Variants in PRTG observed in about 807,000 individuals in gnomAD.
PRTG encodes immunoglobulin superfamily, DCC subclass, member 5.
A neutral mutation model predicts 122.5 loss-of-function variants in PRTG; 67 were observed. That is an observed-to-expected ratio of 0.55 (90% CI 0.45 to 0.67). The LOEUF (loss-of-function observed/expected upper bound fraction) is 0.67. PRTG is among the 30% of genes least tolerant of loss of function. The pLI, the probability that PRTG is intolerant of heterozygous loss-of-function variation, is 0.00. For missense variants in PRTG, 1,435 were observed against 1,415.4 expected (o/e 1.01, Z -0.22); for synonymous variants, 554 against 501.1 (o/e 1.11, Z -1.41).
intron 2 of PRTG, among the ~76,000 whole-genome samples, chr15:55,729,663 A>T (rs1399465236): frequency 6.6e-6 from 1 of 152,098 alleles, no homozygotes; most frequent in African/African-American, 2.4e-5. Context: ...TATCTTAATA[A>T]AACTTATTTT....
chr15:55,641,581 G>A (rs914089079), intron 11 of PRTG, among the ~76,000 whole-genome samples: 5 of 152,022 alleles, frequency 3.3e-5, no homozygotes, highest in Non-Finnish European at 7.4e-5. Flanking sequence ...GAAGTTTTTC[G>A]TTTAAGCAGT....
intron 8 of PRTG, among the ~76,000 whole-genome samples, chr15:55,676,248 T>C (rs1394827776): frequency 2.6e-5 from 4 of 151,194 alleles, no homozygotes; most frequent in Non-Finnish European, 5.9e-5. Context: ...AGAATGTGCC[T>C]CAAAATGCTT....
In PRTG at chr15:55,633,098, T is replaced by G. The variant is rs532305985; in HGVS notation, c.2623+4072A>C. On this transcript the variant is annotated intron_variant, in intron 15 of 19. Transcript: ENST00000389286. ...GAAAATTTTTTGAAAGAGGGGCATC[T>G]TTATGATATCAGTAAACTCATAAAG... Among the ~76,000 whole-genome samples the G allele has an allele frequency of 7.2e-5, 11 of 152,330 alleles. No homozygotes were observed. The South Asian group carries it at 2.3e-3, about 32-fold the overall frequency.
intron 11 of PRTG, among the ~76,000 whole-genome samples, chr15:55,662,036 A>T (rs879870384): frequency 6.6e-6 from 1 of 152,226 alleles, no homozygotes; most frequent in Non-Finnish European, 1.5e-5. Flanking sequence ...AAGGATATAA[A>T]GGTCCAGGAA....
intron 2 of PRTG, among the ~76,000 whole-genome samples, chr15:55,710,056 A>G (rs1371095292): frequency 3.9e-5 from 6 of 152,164 alleles, no homozygotes; most frequent in Non-Finnish European, 8.8e-5. Flanking sequence ...GTGGGCATAT[A>G]TGTGTTTGTA....
chr15:55,738,402 C>G (rs771067323), intron 2 of PRTG: 4 of 676,948 alleles, frequency 5.9e-6, no homozygotes, highest in Admixed American at 4.4e-5. Flanking sequence ...AGGATTCTAT[C>G]AGGCTTCTCA....
intron 15 of PRTG, among the ~76,000 whole-genome samples, chr15:55,634,694 T>C (rs2059246562): frequency 6.6e-6 from 1 of 151,616 alleles, no homozygotes; most frequent in African/African-American, 2.4e-5. Context: ...TACAAAAAAT[T>C]AGCCAGGCAT....
chr15:55,731,381 T>TTC (rs1199436628), intron 2 of PRTG, among the ~76,000 whole-genome samples: 1 of 148,642 alleles, frequency 6.7e-6, no homozygotes, highest in African/African-American at 2.5e-5. Context: ...TTTTTTTTTT[T>TTC]TTTTTTGGAG....
intron 15 of PRTG, among the ~76,000 whole-genome samples, chr15:55,631,053 G>A (rs1313130049): frequency 6.6e-6 from 1 of 152,162 alleles, no homozygotes; most frequent in Non-Finnish European, 1.5e-5. Context: ...GTGTGAGGCA[G>A]CCAAACCTCC....
At chr15:55,680,338 G>T in intron 5 of PRTG, 126 bp from the exon 6 acceptor site, 1 of 1,115,814 alleles carries the variant, frequency 9.0e-7, no homozygotes. Flanking sequence ...TCCATGTTAA[G>T]ACCTTTTCTC....
chr15:55,647,434 C>A (rs1011062215), intron 11 of PRTG, among the ~76,000 whole-genome samples: 4 of 152,184 alleles, frequency 2.6e-5, no homozygotes, highest in Non-Finnish European at 5.9e-5. Flanking sequence ...AAATTTCAAT[C>A]TACCAAACAG....
chr15:55,672,402 G>A, intron 11 of PRTG, 43 bp downstream of exon 11: 1 of 1,501,390 alleles, frequency 6.7e-7, no homozygotes. Flanking sequence ...CAGTTTGTCA[G>A]AGAGGAAGGA....
chr15:55,635,071 CTGGGTGTGTGTGTG>C (rs1172925320), intron 15 of PRTG, among the ~76,000 whole-genome samples: 4 of 31,582 alleles, frequency 1.3e-4, no homozygotes, highest in Non-Finnish European at 2.4e-4. Context: ...GTTGTTGGTT[CTGGGTGTGTGTGTG>C]TGTGTGTGTG....
chr15:55,687,080 G>A (rs911179140), intron 2 of PRTG, among the ~76,000 whole-genome samples: 15 of 152,142 alleles, frequency 9.9e-5, no homozygotes, highest in African/African-American at 3.1e-4. Context: ...GACAGTAAAC[G>A]GTGCAGATTT....
At chr15:55,639,945 C>G in intron 12 of PRTG, 117 bp from the exon 13 acceptor site, 1 of 1,480,946 alleles carries the variant, frequency 6.8e-7, no homozygotes, top group Non-Finnish European at 9.0e-7. Flanking sequence ...CTTTCTTCCA[C>G]CAGAGATTCA....
At chr15:55,654,721 A>G (rs2059370857) in intron 11 of PRTG, among the ~76,000 whole-genome samples, 2 of 152,220 alleles carry the variant, frequency 1.3e-5, no homozygotes, top group South Asian at 4.1e-4. Flanking sequence ...ATATTTTTAT[A>G]GACTGACAGA....
rs375520130 is a variant in PRTG, at chr15:55,721,162, T to C, written c.397+19220A>G. On this transcript the variant is annotated intron_variant, in intron 2 of 19. Transcript: ENST00000389286. Reference sequence around the variant, plus strand: ...CCACATCTAACAAGTACTGCCATTGTAAAATCGTAATAACCTAAAATGTGT... The same window carrying C: ...CCACATCTAACAAGTACTGCCATTGCAAAATCGTAATAACCTAAAATGTGT... 3.3e-5 allele frequency among the ~76,000 whole-genome samples: 5 copies of C among 152,278 alleles called. No individual in the cohort carries two copies. In the East Asian group the frequency reaches 7.7e-4, roughly 23 times the overall value.
intron 11 of PRTG, among the ~76,000 whole-genome samples, chr15:55,672,209 G>A (rs900805437): frequency 6.6e-6 from 1 of 152,210 alleles, no homozygotes; most frequent in Non-Finnish European, 1.5e-5. Flanking sequence ...CAGATTCACA[G>A]AGCTGGACAA....
rs757496098 is a variant in PRTG, at chr15:55,730,772, C to T, written c.397+9610G>A. ...CCGAGATGGCGCCACTGCACTCCAA[C>T]CTGGGCAACAGAGAGCAAGACTCTG... On this transcript the variant is annotated intron_variant, in intron 2 of 19. Coordinates refer to ENST00000389286, the MANE Select transcript of PRTG (RefSeq NM_173814.6). 4.5e-4 allele frequency among the ~76,000 whole-genome samples: 68 copies of T among 152,118 alleles called. 3 individuals carry two copies. Among genetic ancestry groups the T allele is most frequent in the Admixed American group, 2.6e-4 (4 of 15,276 alleles).
Sources: allele counts gnomAD v4.1 joint callset (sites outside exome capture counted in the v4.1 genomes callset), GRCh38; gene constraint gnomAD v4.1.1; transcripts MANE v1.5; gene names NCBI Gene and HGNC (gene_info 2026-07-23, HGNC 2026-07-21).